The following GOLGA8S variants were observed in gnomAD, a reference collection of about 807,000 sequenced individuals.
GOLGA8S encodes the protein golgin subfamily A member 8S.
A neutral mutation model predicts 58.9 loss-of-function variants in GOLGA8S; 23 were observed. The ratio of observed to expected loss-of-function variants is 0.39; its 90% confidence interval spans 0.28 to 0.55. The LOEUF (loss-of-function observed/expected upper bound fraction) is 0.55, where lower values mean the gene tolerates loss of function less well. Ranked by LOEUF, GOLGA8S falls within the 20% of genes least tolerant of loss-of-function variation. The probability of loss-of-function intolerance (pLI) is 0.63; values close to 1 mark genes in which losing one functional copy is unlikely to be tolerated. For synonymous variants in GOLGA8S, 84 were observed against 195.7 expected, an observed-to-expected ratio of 0.43 and a Z score of 4.76; for missense variants, 266 against 514.2, an observed-to-expected ratio of 0.52 and a Z score of 4.67.
rs533063444 is a variant in GOLGA8S, at chr15:23,362,738, C to T, written c.1180-427C>T. On this transcript the variant is annotated intron_variant, in intron 13 of 18. Coordinates refer to ENST00000562295, the Ensembl canonical transcript of GOLGA8S. ...TGAAGTAAGGGGCCAGGGGCCTGGG[C>T]AGGCGACAGAGCCCCACAGTGCCCT... 4.7e-3 allele frequency among the ~76,000 whole-genome samples: 666 copies of T among 142,608 alleles called. 17 individuals are homozygous for T. Among genetic ancestry groups the T allele is most frequent in the Middle Eastern group, 0.015 (4 of 268 alleles). The allele number at this position is 142,608 out of a possible 152,430, so 93.6% of individuals were successfully genotyped here.
rs4036660 is a variant in GOLGA8S, at chr15:23,364,502, C to T, written c.1449-24C>T. 1.1e-5 allele frequency: 17 copies of T among 1,604,166 alleles called. 1 individual carries two copies. The highest frequency in any genetic ancestry group is 2.2e-5 in the South Asian group (2 of 90,566). On this transcript the variant is annotated intron_variant, in intron 16 of 18. Coordinates refer to ENST00000562295, the Ensembl canonical transcript of GOLGA8S. ...TACAGGGCCGTCGGAGGGGCCCCAG[C>T]GTCTGAGCCCTGTCCTCCCGCAGGA...
Position 23,364,519 on chromosome 15 carries a change from C to G in GOLGA8S, c.1449-7C>G, listed in dbSNP as rs773553480. ...GGCCCCAGCGTCTGAGCCCTGTCCT[C>G]CCGCAGGAAAATCCATCACCTTTTA... On this transcript the variant is annotated splice_region_variant and splice_polypyrimidine_tract_variant and intron_variant, in intron 16 of 18. Coordinates refer to ENST00000562295, the Ensembl canonical transcript of GOLGA8S. 13 of 1,602,932 alleles carry G rather than the reference C, an allele frequency of 8.1e-6. No individual in the cohort carries two copies. The highest frequency in any genetic ancestry group is 6.6e-5 in the South Asian group (6 of 90,500).
downstream of GOLGA8S, among the ~76,000 whole-genome samples, chr15:23,367,553 T>C (rs1166209461): frequency 2.0e-5 from 3 of 151,028 alleles, no homozygotes; most frequent in East Asian, 5.8e-4. Flanking sequence ...ATTTACTATA[T>C]TGACTGAAAT....
intron 8 of GOLGA8S, among the ~76,000 whole-genome samples, 178 bp from the exon 9 acceptor site, chr15:23,360,051 T>A (rs2069759474): frequency 6.7e-6 from 1 of 148,508 alleles, no homozygotes; most frequent in Admixed American, 6.7e-5. Flanking sequence ...CAGCTATAAA[T>A]TCGATCTCTT....
At chr15:23,356,291 T>G (rs1444788829) in intron 1 of GOLGA8S, among the ~76,000 whole-genome samples, 1 of 144,324 alleles carries the variant, frequency 6.9e-6, no homozygotes, top group African/African-American at 2.5e-5. Context: ...AATGTTTACT[T>G]TTCTAGCTCT....
At position 23,360,377 on chromosome 15, in the gene GOLGA8S, G is replaced by T. The variant is rs1273204336; in HGVS notation, c.679-48G>T. ...GATGACCCCAGGTAACCAGGAGCAG[G>T]TGAGGACCAGTGACAGCCCTTCCTA... On this transcript the variant is annotated intron_variant, in intron 9 of 18. Transcript: ENST00000562295. 5 of 818,508 alleles carry T rather than the reference G, an allele frequency of 6.1e-6. No homozygotes were observed. The South Asian group carries it at 6.7e-5, about 11-fold the overall frequency. 50.7% of individuals were successfully genotyped at this position (818,508 alleles called of 1,614,324 possible).
chr15:23,361,451 G>A (rs762050807), exon 12 of GOLGA8S: 6 of 775,430 alleles, frequency 7.7e-6, no homozygotes, highest in Non-Finnish European at 1.2e-5. Context: ...CAGCTTCAAG[G>A]AGCTGGTGCG....
At chr15:23,363,925 G>A (rs1435796684) in intron 15 of GOLGA8S, among the ~76,000 whole-genome samples, 156 bp downstream of exon 15, 4 of 133,064 alleles carry the variant, frequency 3.0e-5, no homozygotes, top group Admixed American at 8.4e-5. Flanking sequence ...TGACCAACAT[G>A]TGCAGTCTCT....
At chr15:23,356,241 T>C (rs1416881165) in intron 1 of GOLGA8S, among the ~76,000 whole-genome samples, 4 of 145,214 alleles carry the variant, frequency 2.8e-5, no homozygotes, top group Non-Finnish European at 4.7e-5. Context: ...CGTGTGAGGA[T>C]GTATGACTAA....
In GOLGA8S at chr15:23,361,726, C is replaced by T. The variant is rs1191694538; in HGVS notation, c.1113C>T (p.Asn371=). 5 of 712,406 alleles carry T rather than the reference C, an allele frequency of 7.0e-6. No homozygotes were observed. The East Asian group carries it at 1.3e-4, about 18-fold the overall frequency. The allele number at this position is 712,406 out of a possible 1,614,324, so 44.1% of individuals were successfully genotyped here. The change falls in exon 13 of 19, where the codon AAC becomes AAT. Residue 371 remains asparagine (N), a splice_region_variant and synonymous_variant. Transcript: ENST00000562295. ...GCTGATTGCTTCTCTCTGTCCAGAACAATGAGAACAAGAGCGTACTACAGT... is the reference window on the plus strand; with the variant it reads ...GCTGATTGCTTCTCTCTGTCCAGAATAATGAGAACAAGAGCGTACTACAGT...
intron 16 of GOLGA8S, 30 bp from the exon 17 acceptor site, chr15:23,364,496 C>G (rs765099270): frequency 6.2e-6 from 10 of 1,604,864 alleles, no homozygotes. Context: ...GTCGGAGGGG[C>G]CCCAGCGTCT....
In GOLGA8S at chr15:23,361,128, G is replaced by C. The variant is rs373393734; in HGVS notation, c.875-93G>C. The C allele has an allele frequency of 2.0e-4, 190 of 939,822 alleles. 18 individuals carry two copies. The South Asian group carries it at 2.7e-3, about 14-fold the overall frequency. The allele number at this position is 939,822 out of a possible 1,614,324, so 58.2% of individuals were successfully genotyped here. The stretch of plus-strand genomic sequence containing the variant: ...CCGGAGAGGAGCTGTGCGCCAAGAG[G>C]AGGGTTTTTTCTTTTCTTTTCTTTT... On this transcript the variant is annotated intron_variant, in intron 11 of 18. Transcript: ENST00000562295.
At chr15:23,360,924 G>A (rs2069778374) in intron 11 of GOLGA8S, 109 bp downstream of exon 11, 2 of 796,770 alleles carry the variant, frequency 2.5e-6, no homozygotes, top group East Asian at 2.4e-5. Context: ...TGAGGCAGAG[G>A]GAAAGAGGTC....
At chr15:23,362,868 T>TGCA (rs3034444) in intron 13 of GOLGA8S, among the ~76,000 whole-genome samples, 1 of 135,908 alleles carries the variant, frequency 7.4e-6, no homozygotes, top group Non-Finnish European at 1.6e-5. Context: ...GCTCAGAGTC[T>TGCA]GCAGCAGCAG....
In GOLGA8S at chr15:23,364,421, T is replaced by C. The variant is rs4036682; in HGVS notation, c.1426T>C (p.Tyr476His). The stretch of plus-strand genomic sequence containing the variant: ...GAAACAAGAACTTCGCTTCATTCAA[T>C]ACTGGCAAGAGAGATGCCATCAGTG... The change falls in exon 16 of 19, where the codon TAC becomes CAC. Residue 476 changes from tyrosine to histidine, a missense_variant. Physicochemically the swap from Tyr to His is moderately conservative, Grantham distance 83. This residue lies in a region of GOLGA8S where 88 missense variants were observed against 77.7 expected (regional missense o/e 1.13). Coordinates refer to ENST00000562295, the Ensembl canonical transcript of GOLGA8S. The C allele has an allele frequency of 7.7e-5, 123 of 1,604,480 alleles. 2 individuals carry two copies. Among genetic ancestry groups the C allele is most frequent in the East Asian group, 1.3e-4 (6 of 44,882 alleles).
exon 16 of GOLGA8S, chr15:23,364,382 A>C: frequency 6.2e-7 from 1 of 1,603,432 alleles, no homozygotes; most frequent in Non-Finnish European, 8.5e-7. Flanking sequence ...GGCAGACCTG[A>C]GTGAGCTGGT....
At chr15:23,361,500 C>A (rs745344738) in intron 12 of GOLGA8S, 44 bp downstream of exon 12, 7 of 759,424 alleles carry the variant, frequency 9.2e-6, no homozygotes, top group Non-Finnish European at 1.6e-5. Context: ...CCCTAGCCCT[C>A]CAGGCCTTTG....
chr15:23,357,782 GCT>G (rs1430320433), intron 4 of GOLGA8S, among the ~76,000 whole-genome samples, 163 bp downstream of exon 4: 2 of 148,980 alleles, frequency 1.3e-5, no homozygotes, highest in Non-Finnish European at 3.0e-5. Context: ...ATGCAGCATG[GCT>G]CTTTTTTTGC....
At chr15:23,368,295 T>C (rs2069953062), downstream of GOLGA8S, among the ~76,000 whole-genome samples, 1 of 151,948 alleles carries the variant, frequency 6.6e-6, no homozygotes, top group Non-Finnish European at 1.5e-5. Flanking sequence ...GCCACTGTAA[T>C]GTAATAAATC....
Sources: allele counts gnomAD v4.1 joint callset (sites outside exome capture counted in the v4.1 genomes callset), GRCh38; gene constraint gnomAD v4.1.1; regional missense constraint gnomAD v4.1.1; transcripts MANE v1.5; gene names NCBI Gene and HGNC (gene_info 2026-07-23, HGNC 2026-07-21).